PTPRD: variants seen among roughly 807,000 people sequenced by gnomAD.
PTPRD encodes the protein protein tyrosine phosphatase receptor type D.
A neutral mutation model predicts 214.5 loss-of-function variants in PTPRD; 34 were observed. That is an observed-to-expected ratio of 0.16 (90% CI 0.12 to 0.21). The LOEUF (loss-of-function observed/expected upper bound fraction) is 0.21, where lower values mean the gene tolerates loss of function less well. Among genes scored for constraint, PTPRD ranks in the 10% least tolerant of loss-of-function variants. The pLI, the probability that PTPRD is intolerant of heterozygous loss-of-function variation, is 1.00. For missense variants in PTPRD, 2,545 were observed against 2,398.7 expected, an observed-to-expected ratio of 1.06 and a Z score of -1.27; for synonymous variants, 1,128 against 845.7, an observed-to-expected ratio of 1.33 and a Z score of -5.79.
intron 5 of PTPRD, among the ~76,000 whole-genome samples, chr9:9,771,495 C>A (rs540860636): frequency 3.3e-5 from 5 of 152,260 alleles, no homozygotes; most frequent in Admixed American, 6.5e-5. Flanking sequence ...ATCGTGGAAG[C>A]CTTTCTCTCA....
intron 8 of PTPRD, among the ~76,000 whole-genome samples, chr9:9,533,679 T>C (rs575784512): frequency 1.3e-5 from 2 of 152,210 alleles, no homozygotes; most frequent in Non-Finnish European, 2.9e-5. Context: ...TTTTCACTTA[T>C]TTGTTCTTAT....
intron 7 of PTPRD, among the ~76,000 whole-genome samples, chr9:9,731,365 G>A (rs1289877170): frequency 6.6e-6 from 1 of 152,022 alleles, no homozygotes; most frequent in Non-Finnish European, 1.5e-5. Context: ...AATTCAGAAT[G>A]TTTTTCAAAT....
chr9:9,823,908 TAATG>T (rs1434658377), intron 5 of PTPRD, among the ~76,000 whole-genome samples: 2 of 152,234 alleles, frequency 1.3e-5, no homozygotes, highest in East Asian at 3.9e-4. Flanking sequence ...ATGTTTGAGA[TAATG>T]AATATCTCAA....
At chr9:8,434,778 C>A (rs1429038816) in intron 35 of PTPRD, among the ~76,000 whole-genome samples, 1 of 151,866 alleles carries the variant, frequency 6.6e-6, no homozygotes, top group Non-Finnish European at 1.5e-5. Context: ...TTTATGGTGC[C>A]CCAGGTGCTA....
At chr9:9,844,927 A>G (rs1004347714) in intron 5 of PTPRD, among the ~76,000 whole-genome samples, 1 of 151,220 alleles carries the variant, frequency 6.6e-6, no homozygotes, top group Non-Finnish European at 1.5e-5. Context: ...TAACACAGAC[A>G]TTGTGTTATA....
chr9:8,755,757 A>G (rs117735023), intron 11 of PTPRD, among the ~76,000 whole-genome samples: 2 of 152,170 alleles, frequency 1.3e-5, no homozygotes, highest in African/African-American at 4.8e-5. Context: ...TTGATCACTA[A>G]GAATAATAAA....
At chr9:9,474,862 G>T (rs2094907706) in intron 8 of PTPRD, among the ~76,000 whole-genome samples, 1 of 152,018 alleles carries the variant, frequency 6.6e-6, no homozygotes, top group South Asian at 2.1e-4. Context: ...ACATATGTAA[G>T]ATTATGTGGT....
chr9:9,211,528 C>G (rs549731966), intron 9 of PTPRD, among the ~76,000 whole-genome samples: 119 of 109,554 alleles, frequency 1.1e-3, no homozygotes, highest in African/African-American at 3.2e-3. Flanking sequence ...CACACACACA[C>G]ACACACACAC....
At chr9:10,457,912 G>A (rs765914531) in intron 2 of PTPRD, among the ~76,000 whole-genome samples, 1 of 151,814 alleles carries the variant, frequency 6.6e-6, no homozygotes, top group Non-Finnish European at 1.5e-5. Context: ...GGATCATAAG[G>A]AACCTTTATT....
chr9:9,439,495 A>C (rs2086661177), intron 8 of PTPRD, among the ~76,000 whole-genome samples: 1 of 152,182 alleles, frequency 6.6e-6, no homozygotes, highest in Admixed American at 6.5e-5. Context: ...AACCTGCTGC[A>C]AGGAGACTAC....
chr9:9,164,534 G>C (rs1455247106), intron 10 of PTPRD, among the ~76,000 whole-genome samples: 3 of 152,148 alleles, frequency 2.0e-5, no homozygotes, highest in African/African-American at 4.8e-5. Flanking sequence ...TAGATATCTT[G>C]TAGGAGGGTA....
intron 12 of PTPRD, among the ~76,000 whole-genome samples, chr9:8,722,600 T>C (rs574347899): frequency 6.6e-6 from 1 of 152,178 alleles, no homozygotes; most frequent in African/African-American, 2.4e-5. Context: ...ATCCTATTGC[T>C]GTAATTTTGA....
chr9:8,848,213 G>C (rs943037375), intron 11 of PTPRD, among the ~76,000 whole-genome samples: 15 of 149,346 alleles, frequency 1.0e-4, no homozygotes, highest in Admixed American at 2.7e-4. Flanking sequence ...GTAAAAAAAT[G>C]TTTTTTTCAA....
chr9:9,804,552 ACT>A (rs1410704607), intron 5 of PTPRD, among the ~76,000 whole-genome samples: 1 of 151,936 alleles, frequency 6.6e-6, no homozygotes, highest in African/African-American at 2.4e-5. Context: ...TTTGAGGAAG[ACT>A]CTCAGATTTT....
chr9:10,373,093 A>G (rs2097661208), intron 2 of PTPRD, among the ~76,000 whole-genome samples: 1 of 151,312 alleles, frequency 6.6e-6, no homozygotes, highest in Non-Finnish European at 1.5e-5. Flanking sequence ...TTGGCCTCCC[A>G]AAGTGCTAGG....
chr9:10,210,053 A>C (rs1008615572), intron 3 of PTPRD, among the ~76,000 whole-genome samples: 1 of 152,184 alleles, frequency 6.6e-6, no homozygotes, highest in Non-Finnish European at 1.5e-5. Flanking sequence ...AAGGTGAAAA[A>C]GTTTATTTCT....
intron 3 of PTPRD, among the ~76,000 whole-genome samples, chr9:10,097,268 T>C (rs367920837): frequency 4.8e-5 from 7 of 145,496 alleles, no homozygotes; most frequent in South Asian, 4.4e-4. Flanking sequence ...TTTCCAATTC[T>C]GTGAAGAAAG....
At chr9:9,760,457 C>A (rs781573229) in intron 6 of PTPRD, among the ~76,000 whole-genome samples, 4 of 151,964 alleles carry the variant, frequency 2.6e-5, no homozygotes, top group African/African-American at 9.7e-5. Flanking sequence ...GCTCCAATAC[C>A]TTCTTAACTG....
intron 12 of PTPRD, among the ~76,000 whole-genome samples, chr9:8,687,192 G>C (rs1471092933): frequency 6.6e-6 from 1 of 151,960 alleles, no homozygotes; most frequent in East Asian, 1.9e-4. Flanking sequence ...AGGTTTAAGA[G>C]AATCTCTGGA....
Sources: gnomAD v4.1 joint callset for allele counts (sites outside exome capture counted in the v4.1 genomes callset) on GRCh38, gnomAD v4.1.1 for gene constraint, MANE v1.5 for transcripts, NCBI Gene and HGNC (gene_info 2026-07-23, HGNC 2026-07-21) for gene names.